The following PXDNL variants were observed in gnomAD, a reference collection of about 807,000 sequenced individuals.
PXDNL encodes probable oxidoreductase PXDNL.
Under a neutral mutation model 150.8 loss-of-function variants are expected in PXDNL, and 145 were observed. The observed-to-expected ratio is 0.96, with a 90% CI of 0.84 to 1.10. The LOEUF is 1.10. Among genes scored for constraint, PXDNL ranks in the 50% least tolerant of loss-of-function variants. PXDNL has a pLI of 0.00. For synonymous variants in PXDNL, 757 were observed against 725.7 expected (o/e 1.04, Z -0.69); for missense variants, 2,087 against 1,873.9 (o/e 1.11, Z -2.10).
chr8:51,630,380 G>A (rs1255027953), intron 2 of PXDNL, among the ~76,000 whole-genome samples: 1 of 152,098 alleles, frequency 6.6e-6, no homozygotes, highest in Non-Finnish European at 1.5e-5. Flanking sequence ...CCTTGGCAAA[G>A]ATTTTATGAC....
At chr8:51,632,461 G>A (rs1247639642) in intron 2 of PXDNL, among the ~76,000 whole-genome samples, 3 of 152,042 alleles carry the variant, frequency 2.0e-5, no homozygotes, top group African/African-American at 7.2e-5. Flanking sequence ...AAATGAGCCA[G>A]GCATGGTGGC....
rs150421214 is a variant in PXDNL, at chr8:51,357,022, T to C, written c.3902-11075A>G. Among the ~76,000 whole-genome samples, 6 of 152,308 alleles carry C rather than the reference T, an allele frequency of 3.9e-5. No homozygotes were observed. The East Asian group carries it at 1.2e-3, about 29-fold the overall frequency. ...ACCACCCTACTGTTTATATAAGCTC[T>C]GAGTCAACTTGTAAGTTGTTTTGAC... On this transcript the variant is annotated intron_variant, in intron 19 of 22. Coordinates refer to ENST00000356297, the MANE Select transcript of PXDNL (RefSeq NM_144651.5).
At chr8:51,411,187 C>T in intron 16 of PXDNL, 63 bp downstream of exon 16, 1 of 1,293,180 alleles carries the variant, frequency 7.7e-7, no homozygotes, top group Non-Finnish European at 1.0e-6. Flanking sequence ...GTGTCCTTTG[C>T]TAAGGTGGTG....
chr8:51,575,542 C>G (rs1211233073), intron 3 of PXDNL, among the ~76,000 whole-genome samples: 1 of 151,892 alleles, frequency 6.6e-6, no homozygotes, highest in Non-Finnish European at 1.5e-5. Flanking sequence ...TGGTGAAACC[C>G]CATCTCTATT....
chr8:51,586,868 A>C (rs1325392511), intron 3 of PXDNL, among the ~76,000 whole-genome samples: 1 of 152,200 alleles, frequency 6.6e-6, no homozygotes, highest in Non-Finnish European at 1.5e-5. Flanking sequence ...TTCAGAGAAA[A>C]TACTAAACTT....
At chr8:51,442,676 C>A (rs1809578302) in intron 12 of PXDNL, among the ~76,000 whole-genome samples, 2 of 151,764 alleles carry the variant, frequency 1.3e-5, no homozygotes, top group African/African-American at 4.8e-5. Flanking sequence ...AAAATATATT[C>A]TTTTCTACTA....
intron 1 of PXDNL, among the ~76,000 whole-genome samples, chr8:51,679,816 C>T (rs1248621193): frequency 5.3e-5 from 8 of 152,156 alleles, no homozygotes; most frequent in Admixed American, 3.3e-4. Context: ...GAATAAGCAT[C>T]GCCTTCAGGA....
intron 1 of PXDNL, among the ~76,000 whole-genome samples, chr8:51,780,157 A>T (rs369115249): frequency 1.3e-5 from 2 of 152,128 alleles, no homozygotes; most frequent in South Asian, 4.2e-4. Flanking sequence ...GGTTGCAGTG[A>T]GCCAGGATCA....
At chr8:51,524,443 T>C (rs1811727251) in intron 4 of PXDNL, among the ~76,000 whole-genome samples, 1 of 152,238 alleles carries the variant, frequency 6.6e-6, no homozygotes, top group Non-Finnish European at 1.5e-5. Context: ...GCAATACATT[T>C]AAACAGTTAT....
At chr8:51,506,278 C>G (rs374132521) in intron 4 of PXDNL, among the ~76,000 whole-genome samples, 2 of 152,192 alleles carry the variant, frequency 1.3e-5, no homozygotes, top group East Asian at 1.9e-4. Flanking sequence ...CACAGTGGCT[C>G]ACGCCTATAA....
chr8:51,365,703 G>A (rs1490468672), intron 19 of PXDNL, among the ~76,000 whole-genome samples: 6 of 152,234 alleles, frequency 3.9e-5, no homozygotes, highest in African/African-American at 1.4e-4. Flanking sequence ...GCCTGTGAGT[G>A]ATATGCTGAG....
chr8:51,452,621 C>G (rs1247730097), intron 10 of PXDNL, among the ~76,000 whole-genome samples: 2 of 152,210 alleles, frequency 1.3e-5, no homozygotes, highest in Non-Finnish European at 2.9e-5. Flanking sequence ...AACCCAGGCA[C>G]TGCACTAGGC....
At chr8:51,766,514 GC>G (rs148047689) in intron 1 of PXDNL, among the ~76,000 whole-genome samples, 3,902 of 152,230 alleles carry the variant, frequency 0.026, 183 homozygotes, top group African/African-American at 0.088. Context: ...ATCTCATAGA[GC>G]AGGTCTGCTA....
intron 1 of PXDNL, among the ~76,000 whole-genome samples, chr8:51,770,154 C>G (rs1265844205): frequency 1.3e-5 from 2 of 152,184 alleles, no homozygotes; most frequent in Non-Finnish European, 2.9e-5. Context: ...ACACCATCTC[C>G]AAGGAGACAG....
intron 1 of PXDNL, among the ~76,000 whole-genome samples, chr8:51,677,287 T>C (rs938347203): frequency 6.6e-6 from 1 of 152,244 alleles, no homozygotes; most frequent in Non-Finnish European, 1.5e-5. Context: ...AGATAATCTG[T>C]GTAATATATT....
At chr8:51,644,318 T>TTTTATATATATATATATATA (rs1814853098) in intron 2 of PXDNL, among the ~76,000 whole-genome samples, 3 of 63,270 alleles carry the variant, frequency 4.7e-5, no homozygotes, top group Non-Finnish European at 1.2e-4. Flanking sequence ...AGGCACATTT[T>TTTTATATATATATATATATA]TACATATATA....
At chr8:51,649,299 C>G (rs4636199) in intron 2 of PXDNL, among the ~76,000 whole-genome samples, 127,589 of 152,152 alleles carry the variant, frequency 0.84, 53,784 homozygotes, top group African/African-American at 0.92. Context: ...AGCCTTTTCA[C>G]CTTGAAAGAG....
chr8:51,592,973 T>A (rs1482670416), intron 2 of PXDNL, among the ~76,000 whole-genome samples: 1 of 152,174 alleles, frequency 6.6e-6, no homozygotes, highest in East Asian at 1.9e-4. Flanking sequence ...CTTGTTCTCC[T>A]GAAGCATACC....
At chr8:51,486,794 ATTTTTTTTTTTTTTT>A (rs1195750381) in intron 5 of PXDNL, among the ~76,000 whole-genome samples, 41 of 24,684 alleles carry the variant, frequency 1.7e-3, no homozygotes, top group African/African-American at 5.7e-3. Context: ...ATATATATAT[ATTTTTTTTTTTTTTT>A]TTTTTTTTTT....
Sources: allele counts gnomAD v4.1 joint callset (sites outside exome capture counted in the v4.1 genomes callset), GRCh38; gene constraint gnomAD v4.1.1; transcripts MANE v1.5; gene names NCBI Gene and HGNC (gene_info 2026-07-23, HGNC 2026-07-21).